The following DPYD variants were observed in gnomAD, a reference collection of about 807,000 sequenced individuals.
DPYD encodes the protein dihydropyrimidine dehydrogenase, also known as dihydropyrimidine dehydrogenase [NADP(+)].
DPYD carries 109 observed loss-of-function variants against 116.2 expected under a neutral mutation model. The ratio of observed to expected loss-of-function variants is 0.94; its 90% CI spans 0.80 to 1.10. The LOEUF (loss-of-function observed/expected upper bound fraction) is 1.10, where lower values mean the gene tolerates loss of function less well. Ranked by LOEUF, DPYD falls within the 50% of genes least tolerant of loss-of-function variation. DPYD has a pLI of 0.00. For missense variants in DPYD, 1,302 were observed against 1,254.5 expected, an observed-to-expected ratio of 1.04 and a Z score of -0.57; for synonymous variants, 440 against 432.0, an observed-to-expected ratio of 1.02 and a Z score of -0.23.
intron 18 of DPYD, among the ~76,000 whole-genome samples, chr1:97,287,804 G>A (rs1367691601): frequency 3.3e-5 from 5 of 152,052 alleles, no homozygotes; most frequent in African/African-American, 1.2e-4. Context: ...TAGGGTGGGA[G>A]TGACCTGATT....
intron 5 of DPYD, among the ~76,000 whole-genome samples, chr1:97,707,162 G>T (rs1395145907): frequency 1.3e-5 from 2 of 151,988 alleles, no homozygotes; most frequent in Non-Finnish European, 2.9e-5. Context: ...AGGTGATTAG[G>T]TCATGAGGAG....
At chr1:97,902,791 A>C (rs1673430057) in intron 1 of DPYD, among the ~76,000 whole-genome samples, 1 of 151,892 alleles carries the variant, frequency 6.6e-6, no homozygotes, top group Admixed American at 6.6e-5. Context: ...CATACTAAAC[A>C]AAACAATCTA....
At chr1:97,685,240 A>T (rs997925087) in intron 7 of DPYD, among the ~76,000 whole-genome samples, 1 of 152,238 alleles carries the variant, frequency 6.6e-6, no homozygotes, top group Non-Finnish European at 1.5e-5. Flanking sequence ...TAAAGAAAAA[A>T]ACACATGATT....
chr1:97,654,973 G>C (rs1658819888), intron 8 of DPYD, among the ~76,000 whole-genome samples: 1 of 152,082 alleles, frequency 6.6e-6, no homozygotes, highest in Non-Finnish European at 1.5e-5. Context: ...GATCTTGTGA[G>C]ACTTATTCAT....
At chr1:97,815,087 AAAGAGAAGAGAAGAGAAAAGAG>A (rs912440941) in intron 3 of DPYD, among the ~76,000 whole-genome samples, 2 of 9,388 alleles carry the variant, frequency 2.1e-4, no homozygotes, top group Admixed American at 4.3e-3. Flanking sequence ...AGAAGAAAGA[AAAGAGAAGAGAAGAGAAAAGAG>A]AAGAGAAGAG....
At chr1:97,299,235 A>G (rs1448447053) in intron 18 of DPYD, among the ~76,000 whole-genome samples, 1 of 152,144 alleles carries the variant, frequency 6.6e-6, no homozygotes, top group Non-Finnish European at 1.5e-5. Flanking sequence ...TACTTTCATA[A>G]TAGAACATTT....
chr1:97,869,434 G>T (rs11165921), intron 2 of DPYD, among the ~76,000 whole-genome samples: 112,303 of 151,230 alleles, frequency 0.74, 42,035 homozygotes, highest in East Asian at 0.93. Flanking sequence ...ATGTGAGGGG[G>T]TCAGAATGTC....
chr1:97,447,614 G>T (rs900643081), intron 14 of DPYD, among the ~76,000 whole-genome samples: 1 of 152,178 alleles, frequency 6.6e-6, no homozygotes, highest in Non-Finnish European at 1.5e-5. Flanking sequence ...TCAAGAAAAA[G>T]CATTCTAAGA....
intron 3 of DPYD, among the ~76,000 whole-genome samples, chr1:97,794,704 T>C (rs1424306018): frequency 6.6e-6 from 1 of 152,158 alleles, no homozygotes; most frequent in East Asian, 1.9e-4. Context: ...CTTTTCCAAC[T>C]CTTTACATAT....
rs567788169 is a variant in DPYD, at chr1:97,808,878, GA to G, written c.233+19235del. Among the ~76,000 whole-genome samples, 187 of 152,098 alleles carry G rather than the reference GA, an allele frequency of 1.2e-3. No individual in the cohort carries two copies. In the Middle Eastern group the frequency reaches 0.024, roughly 19 times the overall value. ...TTTAAGTGACTCTTTCACTGCATTT[GA>G]AAAGTTTTCATGTTTAATTTCATTG... On this transcript the variant is annotated intron_variant, in intron 3 of 22. Coordinates refer to ENST00000370192, the MANE Select transcript of DPYD (RefSeq NM_000110.4).
chr1:97,575,542 T>A (rs1557810342), intron 10 of DPYD, among the ~76,000 whole-genome samples: 1 of 152,174 alleles, frequency 6.6e-6, no homozygotes, highest in Non-Finnish European at 1.5e-5. Context: ...AATATTGTCA[T>A]TAAAGGCTTA....
At chr1:97,648,518 A>C (rs1262317837) in intron 8 of DPYD, among the ~76,000 whole-genome samples, 1 of 151,970 alleles carries the variant, frequency 6.6e-6, no homozygotes, top group Non-Finnish European at 1.5e-5. Flanking sequence ...GAGGTTTAGA[A>C]ATAGTTACTA....
At chr1:97,768,330 G>A (rs890035002) in intron 3 of DPYD, among the ~76,000 whole-genome samples, 3 of 152,090 alleles carry the variant, frequency 2.0e-5, no homozygotes, top group Non-Finnish European at 2.9e-5. Flanking sequence ...ATGGGACCCA[G>A]GAAAAACGAA....
rs146206322 is a variant in DPYD, at chr1:97,915,858, A to G, written c.39+5026T>C. On this transcript the variant is annotated intron_variant, in intron 1 of 22. Transcript: ENST00000370192. ...CTTTAGCTGTATTGAAGCCTGGATT[A>G]TATCAAATCTCATCAGATTTTCTTT... Among the ~76,000 whole-genome samples, 25 of 152,292 alleles carry G rather than the reference A, an allele frequency of 1.6e-4. No individual in the cohort carries two copies. In the East Asian group the frequency reaches 4.6e-3, roughly 28 times the overall value.
intron 20 of DPYD, among the ~76,000 whole-genome samples, chr1:97,107,128 C>A (rs1039683386): frequency 6.6e-6 from 1 of 152,114 alleles, no homozygotes; most frequent in Non-Finnish European, 1.5e-5. Context: ...CTCACAATGG[C>A]TTCTGCCTTG....
At chr1:97,635,892 T>C (rs958669187) in intron 8 of DPYD, among the ~76,000 whole-genome samples, 1 of 152,138 alleles carries the variant, frequency 6.6e-6, no homozygotes, top group African/African-American at 2.4e-5. Context: ...TGATCACGGC[T>C]CACTGCAGCC....
chr1:97,416,139 C>CT (rs914900095), intron 14 of DPYD, among the ~76,000 whole-genome samples: 12 of 152,032 alleles, frequency 7.9e-5, no homozygotes, highest in African/African-American at 2.7e-4. Context: ...TATTAAATTG[C>CT]TTTTTGTCAA....
chr1:97,585,674 C>G (rs1654043155), intron 10 of DPYD, among the ~76,000 whole-genome samples: 1 of 152,018 alleles, frequency 6.6e-6, no homozygotes, highest in African/African-American at 2.4e-5. Flanking sequence ...TATACATTGA[C>G]TAATGTGTGT....
Position 97,821,758 on chromosome 1 carries a change from C to T in DPYD, c.233+6356G>A, listed in dbSNP as rs187488477. ...TCTCCATTGAATTCCATTATTTATA[C>T]ATTACACATGTAATTCTTGTAAGCA... On this transcript the variant is annotated intron_variant, in intron 3 of 22. Transcript: ENST00000370192. 2.4e-3 allele frequency among the ~76,000 whole-genome samples: 364 copies of T among 152,214 alleles called. 1 individual carries two copies. Among genetic ancestry groups the T allele is most frequent in the Middle Eastern group, 6.8e-3 (2 of 294 alleles).
Sources: allele counts gnomAD v4.1 joint callset (sites outside exome capture counted in the v4.1 genomes callset), GRCh38; gene constraint gnomAD v4.1.1; transcripts MANE v1.5; gene names NCBI Gene and HGNC (gene_info 2026-07-23, HGNC 2026-07-21).